Variants in ARHGAP42 observed in about 807,000 individuals in gnomAD.
ARHGAP42 encodes the protein rho GTPase-activating protein 42.
A neutral mutation model predicts 125.0 loss-of-function variants in ARHGAP42; 63 were observed. That is an observed-to-expected ratio of 0.50 (90% CI 0.41 to 0.62). The LOEUF (loss-of-function observed/expected upper bound fraction) is 0.62, where lower values mean the gene tolerates loss of function less well. ARHGAP42 is among the 20% of genes least tolerant of loss of function. ARHGAP42 has a pLI of 0.00. For missense variants in ARHGAP42, 766 were observed against 1,024.2 expected (o/e 0.75, Z 3.44); for synonymous variants, 339 against 351.0 (o/e 0.97, Z 0.38).
chr11:100,717,222 C>T (rs1046612481), intron 1 of ARHGAP42, among the ~76,000 whole-genome samples: 4 of 152,080 alleles, frequency 2.6e-5, no homozygotes, highest in African/African-American at 2.4e-5. Context: ...GGTTCTCTCA[C>T]GTAGGATATT....
intron 9 of ARHGAP42, among the ~76,000 whole-genome samples, chr11:100,943,544 T>C (rs1323826945): frequency 9.2e-5 from 14 of 152,114 alleles, no homozygotes; most frequent in Admixed American, 6.6e-5. Context: ...ACATAATTCT[T>C]TTAAATAAAA....
chr11:100,817,473 G>A lies in ARHGAP42; in HGVS notation c.312+22307G>A, dbSNP rs553336539. The stretch of plus-strand genomic sequence containing the variant: ...GCTTCTTATCTTTATTCTTTTTTGT[G>A]CCCAACCTTGTCTCTTTATGTGTAA... On this transcript the variant is annotated intron_variant, in intron 3 of 23. Coordinates refer to ENST00000298815, the MANE Select transcript of ARHGAP42 (RefSeq NM_152432.4). Among the ~76,000 whole-genome samples, 6 of 152,066 alleles carry A rather than the reference G, an allele frequency of 3.9e-5. No homozygotes were observed. The South Asian group carries it at 1.2e-3, about 32-fold the overall frequency.
intron 1 of ARHGAP42, among the ~76,000 whole-genome samples, chr11:100,736,357 C>G (rs1427561588): frequency 3.3e-5 from 5 of 152,176 alleles, no homozygotes; most frequent in Non-Finnish European, 2.9e-5. Flanking sequence ...GAGGATGGCT[C>G]TGGTGAGACA....
intron 3 of ARHGAP42, among the ~76,000 whole-genome samples, chr11:100,801,907 C>T (rs1369643977): frequency 2.0e-5 from 3 of 152,146 alleles, no homozygotes; most frequent in Non-Finnish European, 4.4e-5. Flanking sequence ...ATGTTTATTA[C>T]TTAAAAGGTG....
chr11:100,948,842 A>T (rs2135282152), intron 11 of ARHGAP42, among the ~76,000 whole-genome samples: 1 of 152,218 alleles, frequency 6.6e-6, no homozygotes, highest in South Asian at 2.1e-4. Context: ...GTTAATAATG[A>T]TCGCATGCCC....
intron 2 of ARHGAP42, among the ~76,000 whole-genome samples, chr11:100,793,772 T>G (rs1030961883): frequency 9.9e-5 from 15 of 152,076 alleles, no homozygotes; most frequent in Non-Finnish European, 5.9e-5. Context: ...AGTAGGAATC[T>G]AACAAATAAG....
Position 100,770,337 on chromosome 11 carries a change from T to C in ARHGAP42, c.155-6T>C, listed in dbSNP as rs904865827. 1.6e-5 allele frequency: 24 copies of C among 1,536,786 alleles called. No individual in the cohort carries two copies. Among genetic ancestry groups the C allele is most frequent in the Non-Finnish European group, 1.9e-5 (22 of 1,140,792 alleles). On this transcript the variant is annotated splice_region_variant and splice_polypyrimidine_tract_variant and intron_variant, in intron 1 of 23. Coordinates refer to ENST00000298815, the MANE Select transcript of ARHGAP42 (RefSeq NM_152432.4). ...TATGGATTTTTTGCTTAACTTTTAC[T>C]TGCAGATCTGTCTATGGCAGTGCAG... is the stretch of plus-strand genomic sequence containing the variant.
intron 4 of ARHGAP42, among the ~76,000 whole-genome samples, chr11:100,898,080 C>T (rs868351532): frequency 6.6e-6 from 1 of 152,174 alleles, no homozygotes; most frequent in Non-Finnish European, 1.5e-5. Context: ...AAGGCCTTTT[C>T]TGCATCTATG....
intron 1 of ARHGAP42, among the ~76,000 whole-genome samples, chr11:100,689,567 A>G (rs898797471): frequency 3.3e-5 from 5 of 152,204 alleles, no homozygotes; most frequent in African/African-American, 1.2e-4. Flanking sequence ...TAGCTTTGTA[A>G]AAGTCAGGTG....
intron 23 of ARHGAP42, among the ~76,000 whole-genome samples, 184 bp from the exon 24 acceptor site, chr11:100,988,529 T>G (rs1424518564): frequency 6.6e-6 from 1 of 152,152 alleles, no homozygotes; most frequent in African/African-American, 2.4e-5. Context: ...TATATGCAAA[T>G]ATTACATCAT....
chr11:100,836,978 TA>T (rs1318968544), intron 3 of ARHGAP42, among the ~76,000 whole-genome samples: 2 of 152,116 alleles, frequency 1.3e-5, no homozygotes, highest in African/African-American at 4.8e-5. Context: ...AAATAATTCT[TA>T]TGTCGACTTC....
At chr11:100,837,723 T>C (rs1166502116) in intron 3 of ARHGAP42, among the ~76,000 whole-genome samples, 1 of 141,754 alleles carries the variant, frequency 7.1e-6, no homozygotes, top group Non-Finnish European at 1.5e-5. Flanking sequence ...TTTGGAACTG[T>C]CATTGTATCA....
intron 4 of ARHGAP42, among the ~76,000 whole-genome samples, chr11:100,860,973 A>G (rs530694231): frequency 6.6e-6 from 1 of 152,250 alleles, no homozygotes; most frequent in Non-Finnish European, 1.5e-5. Flanking sequence ...TAAACAAGTC[A>G]GAGATGATTC....
chr11:100,753,185 C>T (rs965351268), intron 1 of ARHGAP42, among the ~76,000 whole-genome samples: 1 of 152,108 alleles, frequency 6.6e-6, no homozygotes, highest in East Asian at 1.9e-4. Context: ...GTTCTCTGGC[C>T]GCTGGGGTGA....
At chr11:100,734,775 C>T (rs1282773322) in intron 1 of ARHGAP42, among the ~76,000 whole-genome samples, 1 of 152,196 alleles carries the variant, frequency 6.6e-6, no homozygotes, top group African/African-American at 2.4e-5. Context: ...ACTTAACTCA[C>T]AGAAACAGAT....
chr11:100,940,655 T>C (rs1223792017), intron 8 of ARHGAP42, among the ~76,000 whole-genome samples: 1 of 152,220 alleles, frequency 6.6e-6, no homozygotes, highest in Non-Finnish European at 1.5e-5. Flanking sequence ...GTGGAAATTA[T>C]TTTCATTTTA....
intron 1 of ARHGAP42, among the ~76,000 whole-genome samples, chr11:100,723,777 ATTT>A (rs1266479684): frequency 6.6e-6 from 1 of 151,864 alleles, no homozygotes; most frequent in Non-Finnish European, 1.5e-5. Context: ...ATTAGCTAGG[ATTT>A]TTAGTATGAT....
chr11:100,936,618 A>T (rs1346719802), intron 8 of ARHGAP42, among the ~76,000 whole-genome samples: 5 of 152,210 alleles, frequency 3.3e-5, no homozygotes, highest in African/African-American at 1.2e-4. Flanking sequence ...TTAAAGTTTC[A>T]TGGAAAATTG....
intron 2 of ARHGAP42, among the ~76,000 whole-genome samples, chr11:100,775,906 T>G (rs1446634303): frequency 6.6e-6 from 1 of 152,212 alleles, no homozygotes; most frequent in African/African-American, 2.4e-5. Flanking sequence ...ACGCTTGTAA[T>G]CCCAGCACTT....
Sources: gnomAD v4.1 joint callset for allele counts (sites outside exome capture counted in the v4.1 genomes callset) on GRCh38, gnomAD v4.1.1 for gene constraint, MANE v1.5 for transcripts, NCBI Gene and HGNC (gene_info 2026-07-23, HGNC 2026-07-21) for gene names.